Variants in SLC23A2 observed in about 807,000 individuals in gnomAD.
SLC23A2 encodes solute carrier family 23 member 2, also known as Na(+)/L-ascorbic acid transporter 2.
Under a neutral mutation model 73.3 loss-of-function variants are expected in SLC23A2, and 36 were observed. That is an observed-to-expected ratio of 0.49 (90% CI 0.38 to 0.65). The LOEUF is 0.65. Among genes scored for constraint, SLC23A2 ranks in the 30% least tolerant of loss-of-function variants. SLC23A2 has a pLI of 0.00. For missense variants in SLC23A2, 507 were observed against 841.6 expected, an observed-to-expected ratio of 0.60 and a Z score of 4.92; for synonymous variants, 343 against 327.3, an observed-to-expected ratio of 1.05 and a Z score of -0.52.
At chr20:4,938,093 C>T (rs1474235580) in intron 2 of SLC23A2, among the ~76,000 whole-genome samples, 5 of 149,860 alleles carry the variant, frequency 3.3e-5, no homozygotes, top group Non-Finnish European at 7.4e-5. Context: ...TGCAGTGGCG[C>T]GATCACAGTT....
intron 4 of SLC23A2, among the ~76,000 whole-genome samples, chr20:4,910,951 T>G (rs528959397): frequency 6.6e-6 from 1 of 152,252 alleles, no homozygotes; most frequent in African/African-American, 2.4e-5. Flanking sequence ...TACAACTGGA[T>G]CCCTCCCATC....
rs780078313 is a variant in SLC23A2, at chr20:4,863,185, A to T, written c.1357-278T>A. ...TCTGTGTCTCAAATGCAAAGGCCAC[A>T]CTTTGCCCCTGCCTATCCCCTGGGT... On this transcript the variant is annotated intron_variant, in intron 13 of 16. Coordinates refer to ENST00000338244, the MANE Select transcript of SLC23A2 (RefSeq NM_005116.6). The surrounding 1 kb of genome is among the most constrained non-coding windows in gnomAD (Gnocchi z 4.8). Among the ~76,000 whole-genome samples, 20 of 152,122 alleles carry T rather than the reference A, an allele frequency of 1.3e-4. No homozygotes were observed. The highest frequency in any genetic ancestry group is 2.6e-4 in the Admixed American group (4 of 15,280).
intron 1 of SLC23A2, among the ~76,000 whole-genome samples, chr20:5,009,936 T>A (rs1023238985): frequency 3.3e-5 from 5 of 151,368 alleles, no homozygotes; most frequent in African/African-American, 9.7e-5. Flanking sequence ...TCTACTAAAA[T>A]TACAAAAAAT....
intron 9 of SLC23A2, among the ~76,000 whole-genome samples, chr20:4,881,814 T>C (rs1459302052): frequency 1.3e-5 from 2 of 152,234 alleles, no homozygotes; most frequent in Non-Finnish European, 2.9e-5. Flanking sequence ...GTTCTTGCCA[T>C]CATTTCCTAA....
At chr20:4,933,198 T>C (rs1426214179) in intron 2 of SLC23A2, among the ~76,000 whole-genome samples, 1 of 151,140 alleles carries the variant, frequency 6.6e-6, no homozygotes, top group Non-Finnish European at 1.5e-5. Flanking sequence ...GTGGCTACTA[T>C]ACTGGGCAAT....
At chr20:4,878,639 T>C (rs904227236) in intron 9 of SLC23A2, among the ~76,000 whole-genome samples, 1 of 152,238 alleles carries the variant, frequency 6.6e-6, no homozygotes, top group Non-Finnish European at 1.5e-5. Context: ...TATGGTTATT[T>C]TGTATATTTA....
chr20:4,998,503 C>A lies in SLC23A2; in HGVS notation c.-282+2903G>T, dbSNP rs2088060878. Among the ~76,000 whole-genome samples, 1 of 152,008 alleles carries A rather than the reference C, an allele frequency of 6.6e-6. No individual in the cohort carries two copies. Among genetic ancestry groups the A allele is most frequent in the Admixed American group, 6.6e-5 (1 of 15,242 alleles). ...CAAAGGGCTCGTTTCAACCTAGAGG[C>A]TGCAATGCACAGCTTAACCTGGAGG... On this transcript the variant is annotated intron_variant, in intron 1 of 16. Transcript: ENST00000338244. This position sits in a 1 kb window ranked among gnomAD's most constrained non-coding sequence, Gnocchi z 4.1.
intron 3 of SLC23A2, among the ~76,000 whole-genome samples, chr20:4,926,498 G>C (rs1160864962): frequency 7.2e-6 from 1 of 139,494 alleles, no homozygotes; most frequent in Non-Finnish European, 1.5e-5. Context: ...TCGTTCATCA[G>C]AATTTTTTTT....
At chr20:4,930,579 G>A (rs1270145911) in intron 3 of SLC23A2, among the ~76,000 whole-genome samples, 2 of 152,130 alleles carry the variant, frequency 1.3e-5, no homozygotes, top group Non-Finnish European at 2.9e-5. Context: ...AGCATTTTGG[G>A]AGGCCAAGGC....
chr20:4,986,226 C>CG (rs1280049009), intron 1 of SLC23A2, among the ~76,000 whole-genome samples: 1 of 151,990 alleles, frequency 6.6e-6, no homozygotes, highest in Non-Finnish European at 1.5e-5. Context: ...CCAGCAGAGG[C>CG]GGGGGCAGGA....
In SLC23A2 at chr20:4,862,180, G is replaced by A; in HGVS notation, c.1487-95C>T. On this transcript the variant is annotated intron_variant, in intron 14 of 16. Coordinates refer to ENST00000338244, the MANE Select transcript of SLC23A2 (RefSeq NM_005116.6). The surrounding 1 kb of genome is among the most constrained non-coding windows in gnomAD (Gnocchi z 5.1). ...GCAGGCTCCCTGGCACCCCTTCTCT[G>A]TCCAACAGAAACCAATGAGACCAGT... 1 of 1,279,942 alleles carries A rather than the reference G, an allele frequency of 7.8e-7. No individual in the cohort carries two copies. The highest frequency in any genetic ancestry group is 1.1e-6 in the Non-Finnish European group (1 of 906,794). 79.3% of individuals were successfully genotyped at this position (1,279,942 alleles called of 1,614,324 possible).
rs972602121 is a variant in SLC23A2, at chr20:4,898,980, G to C, written c.482+575C>G. On this transcript the variant is annotated intron_variant, in intron 6 of 16. Coordinates refer to ENST00000338244, the MANE Select transcript of SLC23A2 (RefSeq NM_005116.6). ...GAAGACACACAAGAAGGTAGACAGC[G>C]GGCCCTTGGGAGTGAGGCCAGGGAA... 1.3e-5 allele frequency among the ~76,000 whole-genome samples: 2 copies of C among 152,174 alleles called. 1 individual carries two copies. The highest frequency in any genetic ancestry group is 1.3e-4 in the Admixed American group (2 of 15,276).
intron 1 of SLC23A2, among the ~76,000 whole-genome samples, chr20:4,997,201 T>C (rs911712964): frequency 8.5e-5 from 13 of 152,132 alleles, no homozygotes; most frequent in African/African-American, 2.9e-4. Flanking sequence ...TAGAGTGTGC[T>C]TGCTAAAAGC....
At chr20:4,985,091 G>A (rs2087802167) in intron 1 of SLC23A2, among the ~76,000 whole-genome samples, 1 of 148,328 alleles carries the variant, frequency 6.7e-6, no homozygotes, top group African/African-American at 2.5e-5. Flanking sequence ...GAGCTGAGAT[G>A]GCGCCACTGC....
At chr20:4,977,314 A>G (rs762260757) in intron 1 of SLC23A2, among the ~76,000 whole-genome samples, 26 of 152,300 alleles carry the variant, frequency 1.7e-4, no homozygotes, top group Non-Finnish European at 4.4e-5. Context: ...TTTCAGATGT[A>G]GGTGGTGTCC....
upstream of SLC23A2, among the ~76,000 whole-genome samples, chr20:5,002,607 C>G (rs543925412): frequency 6.6e-6 from 1 of 152,300 alleles, no homozygotes; most frequent in African/African-American, 2.4e-5. Context: ...AAAGTGACAT[C>G]ACACATATTA....
intron 1 of SLC23A2, among the ~76,000 whole-genome samples, chr20:4,982,522 T>A (rs1318764237): frequency 6.6e-6 from 1 of 152,138 alleles, no homozygotes; most frequent in Non-Finnish European, 1.5e-5. Context: ...GATCCTGAAA[T>A]TCTTATGGAA....
chr20:4,952,475 G>T (rs971688770), intron 2 of SLC23A2, among the ~76,000 whole-genome samples: 1 of 152,160 alleles, frequency 6.6e-6, no homozygotes, highest in Non-Finnish European at 1.5e-5. Flanking sequence ...CCCTTCATGT[G>T]TGAAAGCCAA....
Position 4,982,674 on chromosome 20 carries a change from G to A in SLC23A2, c.-281-11755C>T, listed in dbSNP as rs144485994. ...GTACATACAAAGATACTAGGATAAG[G>A]GTAGCCATATAGATTAACAGAATAC... On this transcript the variant is annotated intron_variant, in intron 1 of 16. Transcript: ENST00000338244. Among the ~76,000 whole-genome samples, 119 of 152,162 alleles carry A rather than the reference G, an allele frequency of 7.8e-4. No individual in the cohort carries two copies. In the East Asian group the frequency reaches 0.02, roughly 26 times the overall value.
Sources: allele counts gnomAD v4.1 joint callset (sites outside exome capture counted in the v4.1 genomes callset), GRCh38; gene constraint gnomAD v4.1.1; non-coding constraint Gnocchi (gnomAD v3.1); transcripts MANE v1.5; gene names NCBI Gene and HGNC (gene_info 2026-07-23, HGNC 2026-07-21).